The following YEATS2 variants were observed in gnomAD, a reference collection of about 807,000 sequenced individuals.
The protein encoded by YEATS2 is YEATS domain containing 2, also known as YEATS domain-containing protein 2.
A neutral mutation model predicts 163.2 loss-of-function variants in YEATS2; 77 were observed. The ratio of observed to expected loss-of-function variants is 0.47; its 90% CI spans 0.39 to 0.57. The LOEUF (loss-of-function observed/expected upper bound fraction) is 0.57. YEATS2 is among the 20% of genes least tolerant of loss of function. The pLI is 0.00. For missense variants in YEATS2, 1,549 were observed against 1,729.8 expected (o/e 0.90, Z 1.85); for synonymous variants, 631 against 645.1 (o/e 0.98, Z 0.33).
chr3:183,763,590 A>G (rs1721598324), intron 15 of YEATS2, among the ~76,000 whole-genome samples: 1 of 152,164 alleles, frequency 6.6e-6, no homozygotes, highest in Non-Finnish European at 1.5e-5. Context: ...CTCAGAGGTT[A>G]AACAGTTTCC....
chr3:183,803,574 A>G, intron 26 of YEATS2: 1 of 566,254 alleles, frequency 1.8e-6, no homozygotes, highest in South Asian at 2.1e-5. Flanking sequence ...CAGAGTTTTA[A>G]ATGAACTCGA....
chr3:183,777,817 AT>A (rs1723146814), intron 19 of YEATS2, 117 bp downstream of exon 19: 2 of 1,379,616 alleles, frequency 1.4e-6, no homozygotes, highest in South Asian at 1.5e-5. Flanking sequence ...AAAATGAACA[AT>A]AAGGCCAGGA....
In YEATS2 at chr3:183,721,903, T is replaced by C. The variant is rs781622061; in HGVS notation, c.304T>C (p.Cys102Arg). Reference sequence around the variant, plus strand: ...TCATTTTTTGTAGGGATCAAAGACATGTGATACAATGGTTTTTAATCATCC... The same window carrying C: ...TCATTTTTTGTAGGGATCAAAGACACGTGATACAATGGTTTTTAATCATCC... Reference protein sequence around the residue: ...LLKVSEGSKTCDTMVFNHPAI... With the variant: ...LLKVSEGSKTRDTMVFNHPAI... The change falls in exon 5 of 31, where the codon TGT becomes CGT. Residue 102 changes from cysteine (C) to arginine (R), a missense_variant. Coordinates refer to ENST00000305135, the MANE Select transcript of YEATS2 (RefSeq NM_018023.5). 2.5e-6 allele frequency: 4 copies of C among 1,614,130 alleles called. No homozygotes were observed. Among genetic ancestry groups the C allele is most frequent in the Non-Finnish European group, 1.7e-6 (2 of 1,180,008 alleles).
chr3:183,780,581 T>C (rs887270943), intron 19 of YEATS2, among the ~76,000 whole-genome samples: 7 of 152,174 alleles, frequency 4.6e-5, no homozygotes, highest in Admixed American at 3.9e-4. Flanking sequence ...GATTTGGCGC[T>C]GAGAGGAGTA....
At chr3:183,745,588 A>G (rs1413739572) in intron 8 of YEATS2, among the ~76,000 whole-genome samples, 3 of 152,192 alleles carry the variant, frequency 2.0e-5, no homozygotes, top group Admixed American at 2.0e-4. Context: ...TGTACAGTAA[A>G]TAATGACGTG....
intron 20 of YEATS2, 89 bp from the exon 21 acceptor site, chr3:183,790,708 A>G (rs1026878176): frequency 2.2e-6 from 3 of 1,363,830 alleles, no homozygotes; most frequent in East Asian, 2.3e-5. Context: ...GATGATATTT[A>G]GTGTGTGTGC....
At chr3:183,772,775 A>C (rs1722605465) in intron 16 of YEATS2, among the ~76,000 whole-genome samples, 2 of 151,286 alleles carry the variant, frequency 1.3e-5, no homozygotes, top group South Asian at 4.2e-4. Flanking sequence ...ACACACACAC[A>C]CACCCACATA....
In YEATS2 at chr3:183,791,941, C is replaced by A. The variant is rs796759026; in HGVS notation, c.3097+961C>A. 7.9e-5 allele frequency among the ~76,000 whole-genome samples: 12 copies of A among 152,206 alleles called. No individual in the cohort carries two copies. In the East Asian group the frequency reaches 1.9e-3, roughly 25 times the overall value. ...GCTGTAAATGAGATTGATAATAATA[C>A]CTACTTCATAAGGTTGAGAGGTTTA... On this transcript the variant is annotated intron_variant, in intron 21 of 30. Coordinates refer to ENST00000305135, the MANE Select transcript of YEATS2 (RefSeq NM_018023.5).
intron 21 of YEATS2, among the ~76,000 whole-genome samples, chr3:183,797,423 T>C (rs954005715): frequency 1.3e-5 from 2 of 151,990 alleles, no homozygotes; most frequent in Non-Finnish European, 2.9e-5. Context: ...GGTATGCCTG[T>C]AGTACCAGCC....
At chr3:183,769,887 A>T (rs1344689079) in intron 15 of YEATS2, among the ~76,000 whole-genome samples, 1 of 151,454 alleles carries the variant, frequency 6.6e-6, no homozygotes, top group Non-Finnish European at 1.5e-5. Context: ...AGGTTTCACC[A>T]TGTTGGCCAG....
chr3:183,780,963 A>G (rs1723505664), intron 19 of YEATS2, among the ~76,000 whole-genome samples: 1 of 152,220 alleles, frequency 6.6e-6, no homozygotes, highest in Non-Finnish European at 1.5e-5. Context: ...TCAATAAAAA[A>G]GTCAAATCAA....
At chr3:183,733,235 A>G (rs914637822) in intron 7 of YEATS2, among the ~76,000 whole-genome samples, 1 of 152,230 alleles carries the variant, frequency 6.6e-6, no homozygotes, top group South Asian at 2.1e-4. Context: ...TTGAGCAGAG[A>G]TCTAACTTCC....
At chr3:183,774,174 A>C (rs1486959529) in intron 17 of YEATS2, among the ~76,000 whole-genome samples, 1 of 152,174 alleles carries the variant, frequency 6.6e-6, no homozygotes, top group African/African-American at 2.4e-5. Flanking sequence ...ATTGGAATCG[A>C]GTGTGTCTGT....
chr3:183,730,497 T>C (rs969698183), intron 7 of YEATS2, among the ~76,000 whole-genome samples: 14 of 152,218 alleles, frequency 9.2e-5, no homozygotes, highest in Admixed American at 5.9e-4. Context: ...CTGAGAACTC[T>C]GCTGCTTCTT....
chr3:183,724,471 T>G lies in YEATS2; in HGVS notation c.590T>G (p.Leu197Arg). The change falls in exon 6 of 31, where the codon CTC (leucine) becomes CGC (arginine). Residue 197 changes from leucine to arginine, a missense_variant. Leu to Arg is a moderately radical substitution (Grantham distance 102). Coordinates refer to ENST00000305135, the MANE Select transcript of YEATS2 (RefSeq NM_018023.5). ...AAAACAGAACAGCGGAATGCTGATC[T>G]CACAGATGAGACTTCACGACTTTTT... ...SHKTEQRNAD[L>R]TDETSRLFVK... The G allele has an allele frequency of 6.2e-7, 1 of 1,614,042 alleles. No individual in the cohort carries two copies. The highest frequency in any genetic ancestry group is 8.5e-7 in the Non-Finnish European group (1 of 1,179,960).
intron 7 of YEATS2, among the ~76,000 whole-genome samples, chr3:183,730,208 G>A (rs1717631450): frequency 6.6e-6 from 1 of 150,376 alleles, no homozygotes; most frequent in African/African-American, 2.5e-5. Flanking sequence ...GTGATTACAG[G>A]TGCACGCCAC....
chr3:183,808,189 A>G (rs1726418130), intron 29 of YEATS2, 85 bp downstream of exon 29: 4 of 1,106,658 alleles, frequency 3.6e-6, no homozygotes, highest in Admixed American at 2.4e-5. Context: ...GAAAAGGAAC[A>G]AAGATAACAG....
intron 28 of YEATS2, chr3:183,807,730 T>G: frequency 3.3e-6 from 1 of 304,818 alleles, no homozygotes; most frequent in Non-Finnish European, 6.1e-6. Flanking sequence ...CCTTTCAAAG[T>G]GTTGATTGCG....
chr3:183,749,066 C>T (rs974249444), intron 9 of YEATS2, among the ~76,000 whole-genome samples: 5 of 152,126 alleles, frequency 3.3e-5, no homozygotes, highest in Non-Finnish European at 7.3e-5. Flanking sequence ...CTTCAGCCTC[C>T]CAAGTAGCTG....
Sources: gnomAD v4.1 joint callset for allele counts (sites outside exome capture counted in the v4.1 genomes callset) on GRCh38, gnomAD v4.1.1 for gene constraint, MANE v1.5 for transcripts, NCBI Gene and HGNC (gene_info 2026-07-23, HGNC 2026-07-21) for gene names.